CD109: variants seen among roughly 807,000 people sequenced by gnomAD.
CD109 encodes CD109 molecule, also known as CD109 antigen.
A neutral mutation model predicts 165.8 loss-of-function variants in CD109; 149 were observed. The observed-to-expected ratio is 0.90, with a 90% CI of 0.79 to 1.03. The LOEUF (loss-of-function observed/expected upper bound fraction) is 1.03, where lower values mean the gene tolerates loss of function less well. Among genes scored for constraint, CD109 ranks in the 50% least tolerant of loss-of-function variants. CD109 has a pLI of 0.00. For synonymous variants in CD109, 585 were observed against 592.1 expected, an observed-to-expected ratio of 0.99 and a Z score of 0.18; for missense variants, 1,712 against 1,677.8, an observed-to-expected ratio of 1.02 and a Z score of -0.36.
intron 14 of CD109, among the ~76,000 whole-genome samples, chr6:73,769,250 C>T (rs1035785650): frequency 2.0e-5 from 3 of 152,120 alleles, no homozygotes; most frequent in Non-Finnish European, 2.9e-5. Context: ...ATAATACAAA[C>T]TTCTATTTTT....
chr6:73,761,488 G>A (rs912827233), intron 7 of CD109, among the ~76,000 whole-genome samples: 2 of 152,100 alleles, frequency 1.3e-5, no homozygotes, highest in Non-Finnish European at 2.9e-5. Context: ...TCCCATTTTG[G>A]AAACTTAATT....
At chr6:73,806,647 C>T (rs537555942) in intron 24 of CD109, among the ~76,000 whole-genome samples, 197 bp from the exon 25 acceptor site, 126 of 152,140 alleles carry the variant, frequency 8.3e-4, no homozygotes, top group Non-Finnish European at 1.7e-3. Context: ...ACCAGTTCTG[C>T]CTGCTAGAGA....
intron 5 of CD109, among the ~76,000 whole-genome samples, chr6:73,741,140 A>G (rs1034061685): frequency 7.2e-5 from 11 of 151,846 alleles, no homozygotes; most frequent in Non-Finnish European, 4.4e-5. Context: ...CAAATTGCAA[A>G]GAAACTCTTG....
chr6:73,701,961 C>A (rs1771098905), intron 2 of CD109, among the ~76,000 whole-genome samples: 1 of 152,074 alleles, frequency 6.6e-6, no homozygotes, highest in South Asian at 2.1e-4. Context: ...TCCCAAAAAC[C>A]TAAACTGAAA....
At chr6:73,799,573 A>C (rs1775291732) in intron 23 of CD109, among the ~76,000 whole-genome samples, 1 of 152,202 alleles carries the variant, frequency 6.6e-6, no homozygotes, top group South Asian at 2.1e-4. Flanking sequence ...CAGGCACATC[A>C]CATGGTGAAA....
At chr6:73,744,643 G>A (rs1240837424) in intron 5 of CD109, among the ~76,000 whole-genome samples, 1 of 152,192 alleles carries the variant, frequency 6.6e-6, no homozygotes, top group Non-Finnish European at 1.5e-5. Flanking sequence ...CATTTGATCT[G>A]CTAGTGCCAG....
At chr6:73,679,609 T>A in the CD109 span, among the ~76,000 whole-genome samples, 2 of 149,028 alleles carry the variant, frequency 1.3e-5, no homozygotes, top group East Asian at 3.9e-4. Flanking sequence ...AAATCATAGA[T>A]GTTTTTCTTT....
the CD109 span, among the ~76,000 whole-genome samples, chr6:73,685,323 C>T: frequency 6.6e-6 from 1 of 151,962 alleles, no homozygotes; most frequent in Non-Finnish European, 1.5e-5. Context: ...TTCTCCTATT[C>T]AATAGGTTGT....
intron 3 of CD109, among the ~76,000 whole-genome samples, 198 bp from the exon 4 acceptor site, chr6:73,730,146 G>A (rs1225845803): frequency 6.6e-6 from 1 of 152,210 alleles, no homozygotes; most frequent in African/African-American, 2.4e-5. Flanking sequence ...GGAGCCCTGT[G>A]ATGTAACTGG....
chr6:73,767,121 T>C, intron 13 of CD109, 111 bp downstream of exon 13: 1 of 843,624 alleles, frequency 1.2e-6, no homozygotes, highest in Non-Finnish European at 1.9e-6. Context: ...ACTCATGTCA[T>C]GGGGGTTTGT....
intron 22 of CD109, among the ~76,000 whole-genome samples, 186 bp downstream of exon 22, chr6:73,788,798 A>G (rs1176004445): frequency 1.3e-5 from 2 of 152,224 alleles, no homozygotes; most frequent in East Asian, 1.9e-4. Context: ...ACTGTTCTCA[A>G]TCTTCAATGT....
chr6:73,816,392 A>T (rs1275649617), intron 30 of CD109, among the ~76,000 whole-genome samples: 1 of 152,180 alleles, frequency 6.6e-6, no homozygotes, highest in Non-Finnish European at 1.5e-5. Flanking sequence ...GCACGGCACC[A>T]AACACTTTTA....
intron 3 of CD109, among the ~76,000 whole-genome samples, chr6:73,729,470 C>G (rs946642733): frequency 1.3e-5 from 2 of 149,338 alleles, no homozygotes; most frequent in Admixed American, 6.7e-5. Flanking sequence ...TCTGCTAATG[C>G]TAGAAGGTAG....
At chr6:73,684,926 T>C in the CD109 span, among the ~76,000 whole-genome samples, 1 of 151,836 alleles carries the variant, frequency 6.6e-6, no homozygotes, top group Non-Finnish European at 1.5e-5. Flanking sequence ...GCCCATTTTT[T>C]TTTCTTTTTT....
intron 19 of CD109, 39 bp from the exon 20 acceptor site, chr6:73,785,325 G>T: frequency 1.8e-6 from 2 of 1,088,872 alleles, no homozygotes; most frequent in South Asian, 1.4e-5. Context: ...GAAGAATTTT[G>T]ACCTGAATAA....
intron 14 of CD109, among the ~76,000 whole-genome samples, chr6:73,770,879 T>C (rs1164084091): frequency 6.6e-6 from 1 of 152,130 alleles, no homozygotes; most frequent in Non-Finnish European, 1.5e-5. Flanking sequence ...CTGAGGGTAA[T>C]GGTGAGGAAG....
At chr6:73,794,839 A>T (rs1375947592) in intron 23 of CD109, among the ~76,000 whole-genome samples, 1 of 152,146 alleles carries the variant, frequency 6.6e-6, no homozygotes, top group Non-Finnish European at 1.5e-5. Context: ...TTTCCTGTAT[A>T]GAGTTGCCCA....
At chr6:73,801,400 C>A (rs1775355858) in intron 23 of CD109, among the ~76,000 whole-genome samples, 2 of 152,208 alleles carry the variant, frequency 1.3e-5, no homozygotes, top group Admixed American at 6.5e-5. Flanking sequence ...AATTACTGCA[C>A]CGTAATAATT....
chr6:73,807,349 T>A (rs1775605028), intron 25 of CD109, among the ~76,000 whole-genome samples: 1 of 152,250 alleles, frequency 6.6e-6, no homozygotes, highest in African/African-American at 2.4e-5. Context: ...ATACATGTTT[T>A]ATCATTGAAA....
Sources: allele counts gnomAD v4.1 joint callset (sites outside exome capture counted in the v4.1 genomes callset), GRCh38; gene constraint gnomAD v4.1.1; transcripts MANE v1.5; gene names NCBI Gene and HGNC (gene_info 2026-07-23, HGNC 2026-07-21).